The following SPATA31A1 variants were observed in gnomAD, a reference collection of about 807,000 sequenced individuals.
The protein encoded by SPATA31A1 is spermatogenesis-associated protein 31A1.
For missense variants in SPATA31A1, 579 were observed against 1,476.3 expected (o/e 0.39, Z 9.96); for synonymous variants, 194 against 573.4 (o/e 0.34, Z 9.45).
intron 1 of SPATA31A1, among the ~76,000 whole-genome samples, chr9:39,356,482 CTG>C (rs201386587): frequency 0.21 from 25,197 of 120,364 alleles, 1,923 homozygotes; most frequent in South Asian, 0.3. Context: ...GAAAATCCCT[CTG>C]TGTGTGTGTG....
chr9:39,361,828 CTTT>C lies in SPATA31A1; in HGVS notation c.*23_*25del. On this transcript the variant is annotated 3_prime_UTR_variant, in exon 4 of 4. Transcript: ENST00000377647. Reference sequence around the variant, plus strand: ...TATCTGATTTGGTCAGTCACAAATTCTTTTTTAGCCTTCCCTGGAGAAAAAGAA... The same window carrying C: ...TATCTGATTTGGTCAGTCACAAATTCTTTAGCCTTCCCTGGAGAAAAAGAA... The C allele has an allele frequency of 6.2e-7, 1 of 1,608,706 alleles. No homozygotes were observed. The highest frequency in any genetic ancestry group is 1.3e-5 in the African/African-American group (1 of 74,384).
chr9:39,357,724 C>A, intron 2 of SPATA31A1, 34 bp from the exon 3 acceptor site: 1 of 1,232,962 alleles, frequency 8.1e-7, no homozygotes, highest in South Asian at 1.2e-5. Context: ...CAGGCCCCTC[C>A]CTCACTGCCC....
chr9:39,357,427 AG>A (rs1421463459), intron 2 of SPATA31A1: 4 of 249,028 alleles, frequency 1.6e-5, no homozygotes, highest in African/African-American at 5.9e-5. Context: ...CTGGATGCGG[AG>A]GGGGGTGAGG....
chr9:39,358,392 C>G lies in SPATA31A1; in HGVS notation c.627C>G (p.His209Gln). The change falls in exon 4 of 4, where the codon CAC becomes CAG. Residue 209 changes from histidine (H) to glutamine (Q), a missense_variant. By Grantham distance (24) the His-to-Gln change is conservative. Transcript: ENST00000377647. ...EPPALFPHPP[H>Q]TPDPLACSPP... The stretch of plus-strand genomic sequence containing the variant: ...CTGCACTTTTCCCTCACCCACCACA[C>G]ACCCCTGATCCTCTGGCCTGCTCTC... 1 of 1,517,380 alleles carries G rather than the reference C, an allele frequency of 6.6e-7. No individual in the cohort carries two copies. The highest frequency in any genetic ancestry group is 1.9e-5 in the Admixed American group (1 of 51,714). 94.0% of individuals were successfully genotyped at this position (1,517,380 alleles called of 1,614,324 possible).
chr9:39,359,123 T>C lies in SPATA31A1; in HGVS notation c.1358T>C (p.Val453Ala), dbSNP rs1823398817. The change falls in exon 4 of 4, where the codon GTC becomes GCC. Residue 453 changes from valine (V) to alanine (A), a missense_variant. Coordinates refer to ENST00000377647, the MANE Select transcript of SPATA31A1 (RefSeq NM_001085452.4). Reference protein sequence around the residue: ...PPFLFNEMSNVCPIQRETTMS... With the variant: ...PPFLFNEMSNACPIQRETTMS... ...TTCTTGTTCAATGAAATGTCCAATGTCTGCCCAATTCAAAGGGAGACTACA... is the reference window on the plus strand; with the variant it reads ...TTCTTGTTCAATGAAATGTCCAATGCCTGCCCAATTCAAAGGGAGACTACA... 2 of 1,611,154 alleles carry C rather than the reference T, an allele frequency of 1.2e-6. No individual in the cohort carries two copies.
Position 39,360,686 on chromosome 9 carries a change from G to A in SPATA31A1, c.2921G>A (p.Ser974Asn). ...ATGCTGGCAAACCTCCAAGCCACAA[G>A]TGAGGATATGCATGGTTTCGAGGCT... Reference protein sequence around the residue: ...TCMLANLQATSEDMHGFEAPG... With the variant: ...TCMLANLQATNEDMHGFEAPG... Residue 974 changes from serine to asparagine, a missense_variant, in exon 4 of 4, where the codon AGT becomes AAT. Ser to Asn is a conservative substitution (Grantham distance 46). Transcript: ENST00000377647. 5 of 1,612,630 alleles carry A rather than the reference G, an allele frequency of 3.1e-6. 1 individual carries two copies. Among genetic ancestry groups the A allele is most frequent in the South Asian group, 1.1e-5 (1 of 91,034 alleles).
At position 39,358,756 on chromosome 9, in the gene SPATA31A1, C is replaced by T; in HGVS notation, c.991C>T (p.Gln331Ter). 1 of 1,602,468 alleles carries T rather than the reference C, an allele frequency of 6.2e-7. No homozygotes were observed. Among genetic ancestry groups the T allele is most frequent in the Non-Finnish European group, 8.5e-7 (1 of 1,179,772 alleles). ...SSDGQNAVGIQVTETAKVNIW... is the reference protein window; with the variant it reads ...SSDGQNAVGI ...TGATGGCCAGAATGCCGTGGGGATA[C>T]AAGTCACAGAAACAGCCAAGGTCAA... The change falls in exon 4 of 4, where the codon CAA (glutamine) becomes TAA (stop). Residue 331 changes from glutamine to a stop codon, truncating the protein, a stop_gained. Transcript: ENST00000377647. LOFTEE classifies it low-confidence loss of function (END_TRUNC).
rs1293914569 is a variant in SPATA31A1 at position 39,361,052 on chromosome 9, C to T, written c.3287C>T (p.Ser1096Leu). 6.2e-7 allele frequency: 1 copy of T among 1,610,636 alleles called. No homozygotes were observed. Among genetic ancestry groups the T allele is most frequent in the Non-Finnish European group, 8.5e-7 (1 of 1,179,342 alleles). ...EEPRNPNCQG[S>L]CKNQRPMFPP... ...CCCAGAAACCCAAACTGTCAAGGCT[C>T]ATGCAAGAACCAAAGGCCAATGTTT... Residue 1096 changes from serine (S) to leucine (L), a missense_variant, in exon 4 of 4, where the codon TCA becomes TTA. Coordinates refer to ENST00000377647, the MANE Select transcript of SPATA31A1 (RefSeq NM_001085452.4).
At position 39,358,610 on chromosome 9, in the gene SPATA31A1, G is replaced by A. The variant is rs1312824047; in HGVS notation, c.845G>A (p.Arg282Gln). ...GSNSHVSASSRWQETARTSCA... is the reference protein window; with the variant it reads ...GSNSHVSASSQWQETARTSCA... Reference sequence around the variant, plus strand: ...AACAGTCATGTTTCTGCCTCCTCCCGGTGGCAGGAGACTGCCAGAACCTCG... The same window carrying A: ...AACAGTCATGTTTCTGCCTCCTCCCAGTGGCAGGAGACTGCCAGAACCTCG... The change falls in exon 4 of 4, where the codon CGG becomes CAG. Residue 282 changes from arginine (R) to glutamine (Q), a missense_variant. By Grantham distance (43) the Arg-to-Gln change is conservative. Transcript: ENST00000377647. 67 of 1,600,646 alleles carry A rather than the reference G, an allele frequency of 4.2e-5. 1 individual carries two copies. The highest frequency in any genetic ancestry group is 2.1e-4 in the South Asian group (19 of 90,756).
In SPATA31A1 at chr9:39,358,785, T is replaced by C. The variant is rs1323600361; in HGVS notation, c.1020T>C (p.Ile340=). ...TCACAGAAACAGCCAAGGTCAACAT[T>C]TGGGAAGAAAAAGAAAATGTTGGAT... ...IQVTETAKVN[I]WEEKENVGSF... The change falls in exon 4 of 4, where the codon ATT becomes ATC. Residue 340 remains isoleucine, a synonymous_variant. Coordinates refer to ENST00000377647, the MANE Select transcript of SPATA31A1 (RefSeq NM_001085452.4). 3.8e-6 allele frequency: 6 copies of C among 1,599,570 alleles called. No homozygotes were observed. The highest frequency in any genetic ancestry group is 5.1e-6 in the Non-Finnish European group (6 of 1,179,746).
chr9:39,358,731 T>G lies in SPATA31A1; in HGVS notation c.966T>G (p.Ser322=), dbSNP rs1823389970. 15 of 1,605,316 alleles carry G rather than the reference T, an allele frequency of 9.3e-6. No homozygotes were observed. In the African/African-American group the frequency reaches 1.1e-4, roughly 11 times the overall value. ...MEAGSLFLLS[S]DGQNAVGIQV... is the part of the protein sequence containing the mutation. The stretch of plus-strand genomic sequence containing the variant: ...CTGGTAGCCTGTTTTTGCTCAGCTC[T>G]GATGGCCAGAATGCCGTGGGGATAC... Residue 322 remains serine, a synonymous_variant, in exon 4 of 4, where the codon TCT becomes TCG. Coordinates refer to ENST00000377647, the MANE Select transcript of SPATA31A1 (RefSeq NM_001085452.4).
At position 39,357,628 on chromosome 9, in the gene SPATA31A1, G is replaced by A. The variant is rs1006089296; in HGVS notation, c.248-130G>A. 10 of 1,575,926 alleles carry A rather than the reference G, an allele frequency of 6.3e-6. No individual in the cohort carries two copies. In the Admixed American group the frequency reaches 8.6e-5, roughly 14 times the overall value. The stretch of plus-strand genomic sequence containing the variant: ...TTGCTATTAACGTCGGGGTCATGTG[G>A]CTTTGGACACAGATGGGTGGGGCCC... On this transcript the variant is annotated intron_variant, in intron 2 of 3. Coordinates refer to ENST00000377647, the MANE Select transcript of SPATA31A1 (RefSeq NM_001085452.4).
rs1322824454 is a variant in SPATA31A1 at position 39,360,955 on chromosome 9, G to T, written c.3190G>T (p.Gly1064Trp). 1.9e-5 allele frequency: 30 copies of T among 1,606,150 alleles called. No individual in the cohort carries two copies. Among genetic ancestry groups the T allele is most frequent in the African/African-American group, 4.1e-5 (3 of 72,550 alleles). ...PQGHLQSMPA[G>W]NMRASQELHD... ...GGGCCATCTCCAGAGCATGCCTGCT[G>T]GGAACATGCGGGCTTCCCAGGAGCT... The change falls in exon 4 of 4, where the codon GGG (glycine) becomes TGG (tryptophan). Residue 1064 changes from glycine to tryptophan, a missense_variant. By Grantham distance (184) the Gly-to-Trp change is radical (BLOSUM62 -2). Transcript: ENST00000377647.
Position 39,355,812 on chromosome 9 carries a change from A to G in SPATA31A1, c.82A>G (p.Ile28Val), listed in dbSNP as rs768953768. The change falls in exon 1 of 4, where the codon ATC becomes GTC. Residue 28 changes from isoleucine to valine, a missense_variant. Physicochemically the swap from Ile to Val is conservative, Grantham distance 29. Transcript: ENST00000377647. ...CAGTTCCACACCATGGGTGTTGGAT[A>G]TCTTCCTCACTTTGGTGTTTGCCCT... ...APSSTPWVLD[I>V]FLTLVFALGF... 2.2e-5 allele frequency: 8 copies of G among 366,240 alleles called. No homozygotes were observed. Among genetic ancestry groups the G allele is most frequent in the Non-Finnish European group, 3.3e-5 (8 of 240,716 alleles). 22.7% of individuals were successfully genotyped at this position (366,240 alleles called of 1,614,324 possible). A position where few individuals can be genotyped will look rare whatever the true frequency, so the allele number is the denominator to read the frequency against.
chr9:39,356,543 C>CATTTTATTTT lies in SPATA31A1; in HGVS notation c.190-533_190-524dup, dbSNP rs1311401622. ...TTATTTTATTTGTGTGTGTTATTTT[C>CATTTTATTTT]ATTTTATTTTATTTTATTTTATTTT... is the stretch of plus-strand genomic sequence containing the variant. On this transcript the variant is annotated intron_variant, in intron 1 of 3. Coordinates refer to ENST00000377647, the MANE Select transcript of SPATA31A1 (RefSeq NM_001085452.4). Among the ~76,000 whole-genome samples, 40 of 66,304 alleles carry CATTTTATTTT rather than the reference C, an allele frequency of 6.0e-4. 7 individuals are homozygous for CATTTTATTTT. Among genetic ancestry groups the CATTTTATTTT allele is most frequent in the South Asian group, 1.4e-3 (3 of 2,146 alleles). 43.5% of individuals were successfully genotyped at this position (66,304 alleles called of 152,430 possible).
chr9:39,359,247 G>A lies in SPATA31A1; in HGVS notation c.1482G>A (p.Met494Ile). Residue 494 changes from methionine to isoleucine, a missense_variant, in exon 4 of 4, where the codon ATG (methionine) becomes ATA (isoleucine). Met to Ile is a conservative substitution (Grantham distance 10, BLOSUM62 1). Coordinates refer to ENST00000377647, the MANE Select transcript of SPATA31A1 (RefSeq NM_001085452.4). ...SSTPQFRPTPMAQAEAQAHLQ... is the reference protein window; with the variant it reads ...SSTPQFRPTPIAQAEAQAHLQ... The stretch of plus-strand genomic sequence containing the variant: ...CACCCCAATTCCGGCCCACACCTAT[G>A]GCTCAGGCCGAGGCTCAGGCCCATC... 1.2e-6 allele frequency: 2 copies of A among 1,611,376 alleles called. No homozygotes were observed.
chr9:39,355,790 T>C lies in SPATA31A1; in HGVS notation c.60T>C (p.Ser20=), dbSNP rs747365297. The C allele has an allele frequency of 5.7e-3, 2,052 of 357,944 alleles. 13 individuals carry two copies. Among genetic ancestry groups the C allele is most frequent in the South Asian group, 0.012 (380 of 32,048 alleles). The allele number at this position is 357,944 out of a possible 1,614,324, so 22.2% of individuals were successfully genotyped here. Residue 20 remains serine, a synonymous_variant, in exon 1 of 4, where the codon AGT becomes AGC. Transcript: ENST00000377647. ...LLSASSLNAP[S]STPWVLDIFL... ...GTGCCTCATCGCTAAACGCCCCCAGTTCCACACCATGGGTGTTGGATATCT... is the reference window on the plus strand; with the variant it reads ...GTGCCTCATCGCTAAACGCCCCCAGCTCCACACCATGGGTGTTGGATATCT...
Position 39,360,945 on chromosome 9 carries a change from C to T in SPATA31A1, c.3180C>T (p.Ser1060=). 1.3e-6 allele frequency: 2 copies of T among 1,598,474 alleles called. No individual in the cohort carries two copies. The highest frequency in any genetic ancestry group is 4.5e-5 in the East Asian group (2 of 44,468). ...AAGTGCCCCAGGGCCATCTCCAGAG[C>T]ATGCCTGCTGGGAACATGCGGGCTT... ...VSQVPQGHLQ[S]MPAGNMRASQ... Residue 1060 remains serine, a synonymous_variant, in exon 4 of 4, where the codon AGC becomes AGT. Coordinates refer to ENST00000377647, the MANE Select transcript of SPATA31A1 (RefSeq NM_001085452.4).
chr9:39,358,660 C>T lies in SPATA31A1; in HGVS notation c.895C>T (p.Gln299Ter), dbSNP rs1823387976. Residue 299 changes from glutamine (Q) to a stop codon, truncating the protein, a stop_gained, in exon 4 of 4, where the codon CAA (glutamine) becomes TAA (stop). Transcript: ENST00000377647. LOFTEE classifies it low-confidence loss of function (END_TRUNC). The stretch of plus-strand genomic sequence containing the variant: ...GTGCGCCTTTAACTCATCAGTCCAG[C>T]AAGATCATCTTTCCCGCCACCCACC... ...TSCAFNSSVQ[Q>*]DHLSRHPPET... 2 of 1,608,308 alleles carry T rather than the reference C, an allele frequency of 1.2e-6. No homozygotes were observed. The highest frequency in any genetic ancestry group is 2.7e-5 in the African/African-American group (2 of 74,464).
Sources: allele counts gnomAD v4.1 joint callset (sites outside exome capture counted in the v4.1 genomes callset), GRCh38; gene constraint gnomAD v4.1.1; transcripts MANE v1.5; gene names NCBI Gene and HGNC (gene_info 2026-07-23, HGNC 2026-07-21).